The following ATP2A2 variants were observed in gnomAD, a reference collection of about 807,000 sequenced individuals.
ATP2A2 encodes sarcoplasmic/endoplasmic reticulum calcium ATPase 2.
Under a neutral mutation model 109.3 loss-of-function variants are expected in ATP2A2, and 14 were observed. That is an observed-to-expected ratio of 0.13 (90% CI 0.08 to 0.20). The LOEUF is 0.20. Ranked by LOEUF, ATP2A2 falls within the 10% of genes least tolerant of loss-of-function variation. The pLI, the probability that ATP2A2 is intolerant of heterozygous loss-of-function variation, is 1.00. For synonymous variants in ATP2A2, 506 were observed against 490.9 expected (o/e 1.03, Z -0.41); for missense variants, 657 against 1,321.6 (o/e 0.50, Z 7.80).
intron 5 of ATP2A2, among the ~76,000 whole-genome samples, chr12:110,318,278 C>T (rs1335124330): frequency 6.6e-6 from 1 of 152,154 alleles, no homozygotes; most frequent in Non-Finnish European, 1.5e-5. Context: ...ATAGAGTCAA[C>T]CCTAAATTGA....
chr12:110,280,684 G>A (rs1053582552), upstream of ATP2A2: 9 of 152,510 alleles, frequency 5.9e-5, no homozygotes, highest in African/African-American at 1.7e-4. Context: ...AGGATGCGGT[G>A]TTCCCGAGGC....
In ATP2A2 at chr12:110,345,374, C is replaced by T; in HGVS notation, c.2733C>T (p.Ala911=). Residue 911 remains alanine, a synonymous_variant, in exon 18 of 20, where the codon GCC becomes GCT. Transcript: ENST00000539276. ...TAGTAACTATAGAAATGTGTAACGC[C>T]CTCAACAGGTTAGTGCACCTTCACG... The part of the protein sequence containing the change: ...SVLVTIEMCN[A]LNSLSENQSL... 1 of 1,614,178 alleles carries T rather than the reference C, an allele frequency of 6.2e-7. No homozygotes were observed. Among genetic ancestry groups the T allele is most frequent in the Non-Finnish European group, 8.5e-7 (1 of 1,180,028 alleles).
At chr12:110,282,034 C>A (rs1872154586) in intron 1 of ATP2A2, 127 bp downstream of exon 1, 2 of 672,174 alleles carry the variant, frequency 3.0e-6, no homozygotes, top group Non-Finnish European at 4.5e-6. Context: ...GAGGGTCGGG[C>A]CAGCGCGCCG....
At chr12:110,283,250 G>A (rs1194467068) in intron 3 of ATP2A2, among the ~76,000 whole-genome samples, 3 of 152,166 alleles carry the variant, frequency 2.0e-5, no homozygotes, top group Non-Finnish European at 4.4e-5. Flanking sequence ...TGTTCCTGAC[G>A]GTGACAAGAA....
At chr12:110,285,932 T>G (rs1872613483) in intron 3 of ATP2A2, among the ~76,000 whole-genome samples, 1 of 151,180 alleles carries the variant, frequency 6.6e-6, no homozygotes, top group African/African-American at 2.4e-5. Flanking sequence ...TTTTTTTTTT[T>G]TTTAAATGTA....
intron 5 of ATP2A2, among the ~76,000 whole-genome samples, chr12:110,301,177 TG>T (rs1440475073): frequency 1.3e-5 from 2 of 152,182 alleles, no homozygotes; most frequent in Admixed American, 6.5e-5. Context: ...CTTGTTGGGC[TG>T]TTTTAGTGTG....
At chr12:110,291,872 T>G (rs1334852962) in intron 3 of ATP2A2, 148 bp from the exon 4 acceptor site, 1 of 729,254 alleles carries the variant, frequency 1.4e-6, no homozygotes, top group African/African-American at 1.7e-5. Flanking sequence ...GGTCTGGAAC[T>G]CTTGACCTCA....
chr12:110,350,582 C>G lies in ATP2A2; in HGVS notation c.*4112C>G. The G allele has an allele frequency of 1.9e-6, 1 of 526,282 alleles. No individual in the cohort carries two copies. The highest frequency in any genetic ancestry group is 3.3e-6 in the Non-Finnish European group (1 of 298,998). 32.6% of individuals were successfully genotyped at this position (526,282 alleles called of 1,614,324 possible). On this transcript the variant is annotated 3_prime_UTR_variant, in exon 20 of 20. Coordinates refer to ENST00000539276, the MANE Select transcript of ATP2A2 (RefSeq NM_170665.4). ...TCTTTGCTGCAAGAGGAATGAGGCT[C>G]TGTAACCTTATCTAAGAACTTGGAA...
chr12:110,326,900 GAA>G (rs1877860358), intron 7 of ATP2A2, among the ~76,000 whole-genome samples: 1 of 152,202 alleles, frequency 6.6e-6, no homozygotes. Flanking sequence ...CAAAGTATAT[GAA>G]TGTTCATTTT....
chr12:110,305,279 C>CTGTA (rs1181295380), intron 5 of ATP2A2, among the ~76,000 whole-genome samples: 1 of 152,168 alleles, frequency 6.6e-6, no homozygotes, highest in Non-Finnish European at 1.5e-5. Context: ...TGGTACAGGC[C>CTGTA]TGTAGTCTCA....
At position 110,345,390 on chromosome 12, in the gene ATP2A2, C is replaced by G; in HGVS notation, c.2741+8C>G. ...GTGTAACGCCCTCAACAGGTTAGTG[C>G]ACCTTCACGGCAGGCTGAGGCGAGC... On this transcript the variant is annotated splice_region_variant and intron_variant, in intron 18 of 19. Coordinates refer to ENST00000539276, the MANE Select transcript of ATP2A2 (RefSeq NM_170665.4). 1 of 1,614,196 alleles carries G rather than the reference C, an allele frequency of 6.2e-7. No homozygotes were observed. Among genetic ancestry groups the G allele is most frequent in the East Asian group, 2.2e-5 (1 of 44,882 alleles).
rs772715677 is a variant in ATP2A2, at chr12:110,343,444, A to G, written c.2521+10A>G. On this transcript the variant is annotated intron_variant, in intron 16 of 19. Coordinates refer to ENST00000539276, the MANE Select transcript of ATP2A2 (RefSeq NM_170665.4). Reference sequence around the variant, plus strand: ...TACTTGGCTATTGGCTGTGAGTACAATTTTTTTATATTACTGATTTTTAAA... The same window carrying G: ...TACTTGGCTATTGGCTGTGAGTACAGTTTTTTTATATTACTGATTTTTAAA... 20 of 1,612,766 alleles carry G rather than the reference A, an allele frequency of 1.2e-5. No homozygotes were observed. The highest frequency in any genetic ancestry group is 1.6e-5 in the Non-Finnish European group (19 of 1,178,774).
At chr12:110,300,065 T>C (rs1480253850) in intron 5 of ATP2A2, among the ~76,000 whole-genome samples, 1 of 150,342 alleles carries the variant, frequency 6.7e-6, no homozygotes, top group South Asian at 2.1e-4. Context: ...CTAAAGCAGC[T>C]CCTTCCGTCA....
chr12:110,296,670 G>A lies in ATP2A2; in HGVS notation c.396G>A (p.Gln132=), dbSNP rs1162212167. 1 of 1,614,122 alleles carries A rather than the reference G, an allele frequency of 6.2e-7. No individual in the cohort carries two copies. The highest frequency in any genetic ancestry group is 2.2e-5 in the East Asian group (1 of 44,868). Residue 132 remains glutamine (Q), a synonymous_variant, in exon 5 of 20, where the codon CAG becomes CAA. Transcript: ENST00000539276. The part of the protein sequence containing the change: ...YEPEMGKVYR[Q]DRKSVQRIKA... ...CTGAAATGGGCAAAGTGTATCGACAGGACAGAAAGAGTGTGCAGCGGATTA... is the reference window on the plus strand; with the variant it reads ...CTGAAATGGGCAAAGTGTATCGACAAGACAGAAAGAGTGTGCAGCGGATTA...
chr12:110,299,097 A>G (rs1874277875), intron 5 of ATP2A2, among the ~76,000 whole-genome samples: 1 of 151,996 alleles, frequency 6.6e-6, no homozygotes, highest in Non-Finnish European at 1.5e-5. Context: ...AGCCTCCTGA[A>G]TAACTGGGAT....
Position 110,347,660 on chromosome 12 carries a change from C to T in ATP2A2, c.*1190C>T, listed in dbSNP as rs1191106410. ...GAACTATTTTTATTTGAATGTGGCACTAACCACCACCACCGTTACTACGAT... is the reference window on the plus strand; with the variant it reads ...GAACTATTTTTATTTGAATGTGGCATTAACCACCACCACCGTTACTACGAT... On this transcript the variant is annotated 3_prime_UTR_variant, in exon 20 of 20. Coordinates refer to ENST00000539276, the MANE Select transcript of ATP2A2 (RefSeq NM_170665.4). 1.7e-6 allele frequency: 2 copies of T among 1,178,804 alleles called. No homozygotes were observed. The highest frequency in any genetic ancestry group is 1.6e-5 in the African/African-American group (1 of 62,480). 73.0% of individuals were successfully genotyped at this position (1,178,804 alleles called of 1,614,324 possible).
chr12:110,336,011 T>G (rs1878809127), intron 11 of ATP2A2, among the ~76,000 whole-genome samples: 1 of 152,192 alleles, frequency 6.6e-6, no homozygotes, highest in Non-Finnish European at 1.5e-5. Flanking sequence ...AGCCACATGG[T>G]CCTCTAATAG....
At chr12:110,309,936 A>G (rs1375878455) in intron 5 of ATP2A2, among the ~76,000 whole-genome samples, 1 of 151,796 alleles carries the variant, frequency 6.6e-6, no homozygotes, top group Admixed American at 6.6e-5. Flanking sequence ...AAAGTGACCC[A>G]CATGTTCACC....
chr12:110,307,159 C>T (rs570278588), intron 5 of ATP2A2, among the ~76,000 whole-genome samples: 7 of 150,886 alleles, frequency 4.6e-5, no homozygotes, highest in African/African-American at 1.2e-4. Flanking sequence ...CAGCTTTCCA[C>T]GGGGGCTGAA....
Sources: allele counts gnomAD v4.1 joint callset (sites outside exome capture counted in the v4.1 genomes callset), GRCh38; gene constraint gnomAD v4.1.1; transcripts MANE v1.5; gene names NCBI Gene and HGNC (gene_info 2026-07-23, HGNC 2026-07-21).